Variants in ADTRP observed in about 807,000 individuals in gnomAD.
ADTRP encodes the protein androgen-dependent TFPI-regulating protein.
In ADTRP, 20 loss-of-function variants were observed where a neutral mutation model predicts 27.0. That is an observed-to-expected ratio of 0.74 (90% CI 0.52 to 1.08). The LOEUF is 1.08. ADTRP is among the 50% of genes least tolerant of loss of function. The probability of loss-of-function intolerance (pLI) is 0.00; values close to 1 mark genes in which losing one functional copy is unlikely to be tolerated. For synonymous variants in ADTRP, 101 were observed against 105.2 expected (o/e 0.96, Z 0.25); for missense variants, 251 against 275.0 (o/e 0.91, Z 0.62).
rs113288806 is a variant in ADTRP at position 11,768,107 on chromosome 6, C to T, written c.288+142G>A. The T allele has an allele frequency of 4.0e-3, 4,007 of 994,434 alleles. 110 individuals are homozygous for T. In the African/African-American group the frequency reaches 0.058, roughly 14 times the overall value. The allele number at this position is 994,434 out of a possible 1,614,324, so 61.6% of individuals were successfully genotyped here. ...TTCCTAAAGACACTGGGCAATGTGG[C>T]GCAGTCCTCAGACAGGACATTGTTG... On this transcript the variant is annotated intron_variant, in intron 2 of 5. Transcript: ENST00000414691.
chr6:11,723,010 AC>A (rs1025201395), intron 5 of ADTRP, among the ~76,000 whole-genome samples: 57 of 151,868 alleles, frequency 3.8e-4, no homozygotes, highest in Admixed American at 1.0e-3. Flanking sequence ...TTAGGGGGAG[AC>A]CCCTGATTTT....
intron 3 of ADTRP, among the ~76,000 whole-genome samples, chr6:11,750,056 G>A (rs569786277): frequency 6.0e-4 from 91 of 152,300 alleles, no homozygotes; most frequent in African/African-American, 2.1e-3. Flanking sequence ...GGAGGCCAGA[G>A]AACAGGACTC....
chr6:11,735,993 C>G (rs1037828271), intron 3 of ADTRP: 17 of 241,678 alleles, frequency 7.0e-5, no homozygotes, highest in Admixed American at 1.1e-4. Context: ...CAGTCTTGCT[C>G]TGTCACTCAC....
At chr6:11,769,427 G>A (rs1471394203) in intron 1 of ADTRP, among the ~76,000 whole-genome samples, 3 of 152,148 alleles carry the variant, frequency 2.0e-5, no homozygotes, top group African/African-American at 4.8e-5. Context: ...GGCTGAGGGC[G>A]TAGGCAGGAA....
chr6:11,777,588 A>G (rs899010542), intron 1 of ADTRP, among the ~76,000 whole-genome samples: 1 of 152,210 alleles, frequency 6.6e-6, no homozygotes, highest in Non-Finnish European at 1.5e-5. Flanking sequence ...TGAAACAAGT[A>G]GTCACCTTGA....
chr6:11,715,295 C>G (rs1761774769), intron 5 of ADTRP, among the ~76,000 whole-genome samples: 1 of 152,154 alleles, frequency 6.6e-6, no homozygotes, highest in Admixed American at 6.5e-5. Context: ...TCAAACCCTG[C>G]CACCTTCATC....
At chr6:11,734,659 C>T (rs1414762579) in intron 4 of ADTRP, among the ~76,000 whole-genome samples, 1 of 152,034 alleles carries the variant, frequency 6.6e-6, no homozygotes, top group Non-Finnish European at 1.5e-5. Context: ...AGAGGCTGGT[C>T]GAGTCCATAA....
At chr6:11,775,107 T>C (rs1039492942) in intron 1 of ADTRP, among the ~76,000 whole-genome samples, 2 of 152,028 alleles carry the variant, frequency 1.3e-5, no homozygotes, top group Non-Finnish European at 2.9e-5. Context: ...AGATGGGGCA[T>C]GCAGCTCGGG....
intron 5 of ADTRP, among the ~76,000 whole-genome samples, chr6:11,715,636 T>G (rs1424432574): frequency 7.1e-6 from 1 of 141,308 alleles, no homozygotes; most frequent in Non-Finnish European, 1.5e-5. Context: ...CTTCTTTCTC[T>G]TCTGTTTTTC....
chr6:11,752,691 T>C lies in ADTRP; in HGVS notation c.390+13583A>G, dbSNP rs1320876078. ...TTTCCAGAAGCCACTGCTAACCTCA[T>C]GTCTGCAATCTTCCCACACATCTAT... On this transcript the variant is annotated intron_variant, in intron 3 of 5. Transcript: ENST00000414691. Among the ~76,000 whole-genome samples the C allele has an allele frequency of 2.0e-5, 3 of 152,186 alleles. No individual in the cohort carries two copies. In the South Asian group the frequency reaches 6.2e-4, roughly 32 times the overall value.
chr6:11,766,246 G>T, intron 3 of ADTRP, 28 bp downstream of exon 3: 1 of 1,544,004 alleles, frequency 6.5e-7, no homozygotes, highest in Non-Finnish European at 8.9e-7. Flanking sequence ...TTGGTGTTCT[G>T]AGTTCACTGA....
chr6:11,775,115 G>C (rs76924958), intron 1 of ADTRP, among the ~76,000 whole-genome samples: 1,955 of 152,208 alleles, frequency 0.013, 44 homozygotes, highest in African/African-American at 0.043. Flanking sequence ...CATGCAGCTC[G>C]GGGAGGGAGA....
At chr6:11,760,187 T>C (rs1476965838) in intron 3 of ADTRP, among the ~76,000 whole-genome samples, 1 of 152,212 alleles carries the variant, frequency 6.6e-6, no homozygotes, top group Non-Finnish European at 1.5e-5. Context: ...GTTTACTGCT[T>C]ATCTTCCCCA....
chr6:11,766,057 CT>C (rs1285306169), intron 3 of ADTRP, among the ~76,000 whole-genome samples: 7 of 152,214 alleles, frequency 4.6e-5, no homozygotes, highest in Admixed American at 3.3e-4. Flanking sequence ...ATGGCAGACT[CT>C]CACCTGGACA....
intron 5 of ADTRP, chr6:11,717,547 T>TATG (rs1761873333): frequency 9.5e-7 from 1 of 1,055,406 alleles, no homozygotes; most frequent in Non-Finnish European, 1.2e-6. Flanking sequence ...GATTTACACC[T>TATG]ATGTATCTAC....
At chr6:11,750,524 G>C (rs529044253) in intron 3 of ADTRP, among the ~76,000 whole-genome samples, 1 of 152,218 alleles carries the variant, frequency 6.6e-6, no homozygotes, top group Non-Finnish European at 1.5e-5. Flanking sequence ...TGCCTAGCCT[G>C]AAAGGCAGGC....
At chr6:11,735,900 G>A in intron 3 of ADTRP, 1 of 485,376 alleles carries the variant, frequency 2.1e-6, no homozygotes, top group Non-Finnish European at 3.7e-6. Context: ...TTTGCAATGT[G>A]TCTCACCCTC....
chr6:11,719,217 A>G (rs1305436501), intron 5 of ADTRP, among the ~76,000 whole-genome samples: 2 of 152,208 alleles, frequency 1.3e-5, no homozygotes, highest in African/African-American at 2.4e-5. Context: ...TCAGACCAGC[A>G]GCATCAGTAT....
intron 4 of ADTRP, 95 bp from the exon 5 acceptor site, chr6:11,723,595 G>T: frequency 7.0e-7 from 1 of 1,435,616 alleles, no homozygotes; most frequent in Non-Finnish European, 9.5e-7. Context: ...CCCAGGCAGG[G>T]GAAGAGAACC....
Sources: gnomAD v4.1 joint callset for allele counts (sites outside exome capture counted in the v4.1 genomes callset) on GRCh38, gnomAD v4.1.1 for gene constraint, MANE v1.5 for transcripts, NCBI Gene and HGNC (gene_info 2026-07-23, HGNC 2026-07-21) for gene names.